Variants in ERC1 observed in about 807,000 individuals in gnomAD.
ERC1 encodes the protein RAB6 interacting protein 2.
Under a neutral mutation model 132.0 loss-of-function variants are expected in ERC1, and 56 were observed. The observed-to-expected ratio is 0.42, with a 90% CI of 0.34 to 0.53. The LOEUF (loss-of-function observed/expected upper bound fraction) is 0.53, where lower values mean the gene tolerates loss of function less well. ERC1 is among the 20% of genes least tolerant of loss of function. The pLI, the probability that ERC1 is intolerant of heterozygous loss-of-function variation, is 0.03. For missense variants in ERC1, 1,202 were observed against 1,349.9 expected (o/e 0.89, Z 1.72); for synonymous variants, 478 against 476.1 (o/e 1.00, Z -0.05).
chr12:1,063,583 T>A (rs1274737049), intron 2 of ERC1, among the ~76,000 whole-genome samples: 1 of 152,182 alleles, frequency 6.6e-6, no homozygotes, highest in African/African-American at 2.4e-5. Context: ...TTTCTATGTG[T>A]GTTTTTACAT....
At chr12:1,355,611 G>C (rs754833673) in intron 15 of ERC1, among the ~76,000 whole-genome samples, 1 of 152,218 alleles carries the variant, frequency 6.6e-6, no homozygotes, top group South Asian at 2.1e-4. Flanking sequence ...CTGACCTAGA[G>C]AATAGCTATG....
chr12:1,270,015 G>T (rs1241670066), intron 14 of ERC1, among the ~76,000 whole-genome samples: 1 of 152,196 alleles, frequency 6.6e-6, no homozygotes, highest in Non-Finnish European at 1.5e-5. Context: ...TTGCCAGTTG[G>T]TAGATTATGA....
rs143231769 is a variant in ERC1, at chr12:1,177,823, G to A, written c.1738-2717G>A. On this transcript the variant is annotated intron_variant, in intron 8 of 18. Transcript: ENST00000360905. Reference sequence around the variant, plus strand: ...CAAACCTTCAGTTAGTAAAAAACCCGTATCTGTGAAGAGCAATAAAGCAAA... The same window carrying A: ...CAAACCTTCAGTTAGTAAAAAACCCATATCTGTGAAGAGCAATAAAGCAAA... Among the ~76,000 whole-genome samples the A allele has an allele frequency of 3.9e-4, 59 of 152,278 alleles. No homozygotes were observed. In the East Asian group the frequency reaches 0.01, roughly 26 times the overall value.
At chr12:1,018,364 G>A (rs567836018) in intron 1 of ERC1, among the ~76,000 whole-genome samples, 7 of 152,114 alleles carry the variant, frequency 4.6e-5, no homozygotes, top group Non-Finnish European at 7.3e-5. Context: ...ACAGGTGTGC[G>A]CCACCATGCC....
intron 3 of ERC1, among the ~76,000 whole-genome samples, chr12:1,099,557 A>G (rs10848437): frequency 0.72 from 109,769 of 152,072 alleles, 39,920 homozygotes; most frequent in East Asian, 0.9. Context: ...TTTTCTTTAT[A>G]ACACTTTTTA....
rs57016547 is a variant in ERC1 at position 1,241,847 on chromosome 12, C to CTTTTTTTTTTTT, written c.2487+4959_2487+4970dup. Among the ~76,000 whole-genome samples the CTTTTTTTTTTTT allele has an allele frequency of 1.6e-4, 13 of 80,492 alleles. 1 individual carries two copies. Among genetic ancestry groups the CTTTTTTTTTTTT allele is most frequent in the Admixed American group, 6.3e-4 (4 of 6,354 alleles). 52.8% of individuals were successfully genotyped at this position (80,492 alleles called of 152,430 possible). A position where few individuals can be genotyped will look rare whatever the true frequency, so the allele number is the denominator to read the frequency against. On this transcript the variant is annotated intron_variant, in intron 13 of 18. Transcript: ENST00000360905. ...CCAATTTTTTGCATTTCTTCTTCTT[C>CTTTTTTTTTTTT]TTTTTTTTTTTTTTTTTTTTTTTTT...
intron 18 of ERC1, among the ~76,000 whole-genome samples, chr12:1,478,264 T>A (rs992255971): frequency 6.6e-6 from 1 of 152,206 alleles, no homozygotes; most frequent in African/African-American, 2.4e-5. Context: ...TTTAGTGGTA[T>A]CTCCTTGTGA....
chr12:1,224,539 A>G (rs1380891730), intron 12 of ERC1, among the ~76,000 whole-genome samples: 1 of 152,218 alleles, frequency 6.6e-6, no homozygotes, highest in Non-Finnish European at 1.5e-5. Context: ...GCCATACTGT[A>G]CTACTTTGTA....
intron 17 of ERC1, chr12:1,410,399 AG>A: frequency 7.6e-7 from 1 of 1,322,474 alleles, no homozygotes. Context: ...GATGAGGAGG[AG>A]GGTATATGGG....
chr12:1,183,751 A>G (rs774966149), intron 11 of ERC1, among the ~76,000 whole-genome samples: 7 of 151,774 alleles, frequency 4.6e-5, no homozygotes, highest in African/African-American at 1.2e-4. Context: ...GTGGTAACTC[A>G]TGCCTGTAAT....
At chr12:995,236 G>A (rs754634185) in intron 1 of ERC1, among the ~76,000 whole-genome samples, 14 of 152,094 alleles carry the variant, frequency 9.2e-5, no homozygotes, top group South Asian at 2.1e-4. Flanking sequence ...CAGCCTGGGC[G>A]ACAGAGTGAG....
At chr12:1,156,120 T>G (rs1411288025) in intron 8 of ERC1, among the ~76,000 whole-genome samples, 6 of 152,160 alleles carry the variant, frequency 3.9e-5, no homozygotes, top group Non-Finnish European at 8.8e-5. Context: ...TATATACAGC[T>G]TTATCTCATC....
At chr12:1,176,101 T>C (rs564136362) in intron 8 of ERC1, among the ~76,000 whole-genome samples, 1 of 152,362 alleles carries the variant, frequency 6.6e-6, no homozygotes, top group African/African-American at 2.4e-5. Flanking sequence ...CAATTTACTT[T>C]GCCCAGATCC....
chr12:1,268,600 A>G (rs1033967508), intron 14 of ERC1, among the ~76,000 whole-genome samples: 12 of 152,098 alleles, frequency 7.9e-5, no homozygotes, highest in African/African-American at 2.7e-4. Flanking sequence ...AGGAGATTCT[A>G]TGTGTGAATT....
chr12:1,134,299 A>T (rs1241141232), intron 7 of ERC1, among the ~76,000 whole-genome samples: 4 of 151,544 alleles, frequency 2.6e-5, no homozygotes, highest in African/African-American at 9.7e-5. Flanking sequence ...TTAAAATGTT[A>T]CTTTGATTAA....
chr12:1,141,817 C>T, intron 8 of ERC1, 30 bp downstream of exon 8: 2 of 1,506,144 alleles, frequency 1.3e-6, no homozygotes, highest in East Asian at 2.4e-5. Context: ...AGTTCAGTGG[C>T]CCATTCCTCA....
At chr12:1,393,482 T>G (rs1227520229) in intron 16 of ERC1, among the ~76,000 whole-genome samples, 1 of 152,178 alleles carries the variant, frequency 6.6e-6, no homozygotes, top group African/African-American at 2.4e-5. Context: ...TGCAGTGAGC[T>G]ATGATTGTGC....
At chr12:1,339,670 C>G (rs2083640967) in intron 15 of ERC1, among the ~76,000 whole-genome samples, 1 of 152,170 alleles carries the variant, frequency 6.6e-6, no homozygotes, top group South Asian at 2.1e-4. Context: ...GCCTGGGGGG[C>G]CAGAGAGCCC....
At chr12:1,041,100 A>G (rs1970133259) in intron 2 of ERC1, among the ~76,000 whole-genome samples, 1 of 152,232 alleles carries the variant, frequency 6.6e-6, no homozygotes, top group African/African-American at 2.4e-5. Flanking sequence ...CATATTAGAT[A>G]CTAAAATAAA....
Sources: allele counts gnomAD v4.1 joint callset (sites outside exome capture counted in the v4.1 genomes callset), GRCh38; gene constraint gnomAD v4.1.1; transcripts MANE v1.5; gene names NCBI Gene and HGNC (gene_info 2026-07-23, HGNC 2026-07-21).